The following PRKCE variants were observed in gnomAD, a reference collection of about 807,000 sequenced individuals.
PRKCE encodes protein kinase C epsilon, also known as protein kinase C epsilon type.
In PRKCE, 16 loss-of-function variants were observed where a neutral mutation model predicts 85.4. The ratio of observed to expected loss-of-function variants is 0.19; its 90% confidence interval spans 0.13 to 0.28. The LOEUF (loss-of-function observed/expected upper bound fraction) is 0.28. PRKCE is among the 10% of genes least tolerant of loss of function. The pLI is 1.00. For synonymous variants in PRKCE, 388 were observed against 371.5 expected, an observed-to-expected ratio of 1.04 and a Z score of -0.51; for missense variants, 573 against 975.2, an observed-to-expected ratio of 0.59 and a Z score of 5.49.
At chr2:45,760,802 A>G (rs1346738863) in intron 1 of PRKCE, among the ~76,000 whole-genome samples, 3 of 152,300 alleles carry the variant, frequency 2.0e-5, no homozygotes, top group African/African-American at 4.8e-5. Flanking sequence ...CCCACTTTCC[A>G]TCATATAATT....
At chr2:45,916,869 T>G (rs1558830192) in intron 2 of PRKCE, among the ~76,000 whole-genome samples, 1 of 152,156 alleles carries the variant, frequency 6.6e-6, no homozygotes, top group African/African-American at 2.4e-5. Context: ...CTTCTGATGT[T>G]TGGATGTGTT....
At chr2:45,979,762 A>G (rs755796181) in intron 4 of PRKCE, among the ~76,000 whole-genome samples, 1 of 152,210 alleles carries the variant, frequency 6.6e-6, no homozygotes. Flanking sequence ...ACATTGCTCC[A>G]TGACACTAAC....
At chr2:46,098,315 A>G (rs752303683) in intron 11 of PRKCE, among the ~76,000 whole-genome samples, 24 of 151,394 alleles carry the variant, frequency 1.6e-4, no homozygotes, top group South Asian at 2.1e-4. Context: ...AAATGGGGTT[A>G]TTACTCCCCC....
intron 1 of PRKCE, among the ~76,000 whole-genome samples, chr2:45,715,586 C>A (rs1446467993): frequency 1.3e-5 from 2 of 152,152 alleles, no homozygotes; most frequent in African/African-American, 4.8e-5. Context: ...GACTTGGCTT[C>A]TTCTGAAATT....
Position 45,665,099 on chromosome 2 carries a change from A to G in PRKCE, c.348+12651A>G, listed in dbSNP as rs141251146. The stretch of plus-strand genomic sequence containing the variant: ...TGAAAAGATTACTGTACTCTCAGTG[A>G]GGAAATATGCATTTACTTGTAATTG... On this transcript the variant is annotated intron_variant, in intron 1 of 14. Coordinates refer to ENST00000306156, the MANE Select transcript of PRKCE (RefSeq NM_005400.3). 2.0e-5 allele frequency among the ~76,000 whole-genome samples: 3 copies of G among 152,400 alleles called. No individual in the cohort carries two copies. The East Asian group carries it at 5.8e-4, about 29-fold the overall frequency.
At chr2:45,915,647 C>T (rs753258404) in intron 2 of PRKCE, among the ~76,000 whole-genome samples, 6 of 152,282 alleles carry the variant, frequency 3.9e-5, no homozygotes, top group South Asian at 2.1e-4. Flanking sequence ...CTATCAAATT[C>T]GTATGATCTT....
intron 14 of PRKCE, among the ~76,000 whole-genome samples, chr2:46,165,969 A>C (rs1678297946): frequency 6.6e-6 from 1 of 152,178 alleles, no homozygotes; most frequent in South Asian, 2.1e-4. Flanking sequence ...TCCCTCTTTA[A>C]GGTAAGGCCT....
At chr2:45,657,614 A>G (rs545029431) in intron 1 of PRKCE, among the ~76,000 whole-genome samples, 1 of 152,180 alleles carries the variant, frequency 6.6e-6, no homozygotes, top group Admixed American at 6.5e-5. Flanking sequence ...CTAGGTTTTC[A>G]TATTCTCCAA....
chr2:45,805,984 G>T (rs781774712), intron 1 of PRKCE, among the ~76,000 whole-genome samples: 1 of 152,156 alleles, frequency 6.6e-6, no homozygotes, highest in Non-Finnish European at 1.5e-5. Flanking sequence ...CTTGCCCAAG[G>T]TCTCACAGCC....
intron 2 of PRKCE, among the ~76,000 whole-genome samples, chr2:45,968,213 G>A (rs1295749053): frequency 6.6e-6 from 1 of 150,998 alleles, no homozygotes; most frequent in African/African-American, 2.4e-5. Flanking sequence ...ATCAATCTAA[G>A]TGCTCATCAG....
intron 1 of PRKCE, among the ~76,000 whole-genome samples, chr2:45,674,354 A>T (rs1308439853): frequency 6.6e-6 from 1 of 152,156 alleles, no homozygotes; most frequent in Non-Finnish European, 1.5e-5. Context: ...CTTTATCTGG[A>T]GGGTGACATG....
intron 10 of PRKCE, among the ~76,000 whole-genome samples, chr2:46,085,757 T>G (rs1181685870): frequency 5.9e-5 from 2 of 33,976 alleles, no homozygotes; most frequent in Middle Eastern, 0.01. Flanking sequence ...TTGTTTTTGT[T>G]TTTTTTTTTT....
chr2:46,077,490 G>A (rs550875562), intron 10 of PRKCE, among the ~76,000 whole-genome samples: 2 of 152,346 alleles, frequency 1.3e-5, no homozygotes, highest in Admixed American at 1.3e-4. Flanking sequence ...TACAACTGGT[G>A]TGGATGGAAT....
At chr2:46,135,358 A>G (rs2104430786) in intron 11 of PRKCE, among the ~76,000 whole-genome samples, 1 of 152,324 alleles carries the variant, frequency 6.6e-6, no homozygotes, top group Middle Eastern at 3.4e-3. Flanking sequence ...AGTGATTCAG[A>G]GCATGGAAGT....
chr2:46,105,750 C>G (rs182484828), intron 11 of PRKCE, among the ~76,000 whole-genome samples: 1 of 152,236 alleles, frequency 6.6e-6, no homozygotes, highest in East Asian at 1.9e-4. Flanking sequence ...GCCTTTTAAG[C>G]AGATACTCAC....
At position 45,729,529 on chromosome 2, in the gene PRKCE, A is replaced by G. The variant is rs566303154; in HGVS notation, c.348+77081A>G. Among the ~76,000 whole-genome samples, 48 of 152,202 alleles carry G rather than the reference A, an allele frequency of 3.2e-4. 1 individual carries two copies. Among genetic ancestry groups the G allele is most frequent in the South Asian group, 6.2e-4 (3 of 4,814 alleles). On this transcript the variant is annotated intron_variant, in intron 1 of 14. Transcript: ENST00000306156. Reference sequence around the variant, plus strand: ...GATTCCTTTTCCCCCTCCTACAGCAATAGCCTGAAGGATATTTTTAGGCCC... The same window carrying G: ...GATTCCTTTTCCCCCTCCTACAGCAGTAGCCTGAAGGATATTTTTAGGCCC...
intron 14 of PRKCE, among the ~76,000 whole-genome samples, chr2:46,167,199 AGG>A (rs1678422468): frequency 6.6e-6 from 1 of 152,124 alleles, no homozygotes; most frequent in African/African-American, 2.4e-5. Flanking sequence ...AGATGCAACC[AGG>A]TTCTAATTTG....
intron 14 of PRKCE, among the ~76,000 whole-genome samples, chr2:46,165,550 G>A (rs1435904639): frequency 6.6e-6 from 1 of 152,180 alleles, no homozygotes; most frequent in Admixed American, 6.5e-5. Flanking sequence ...ATCCCATTGG[G>A]GATTTCATCC....
intron 2 of PRKCE, among the ~76,000 whole-genome samples, chr2:45,844,275 G>T (rs1349414598): frequency 6.6e-6 from 1 of 152,124 alleles, no homozygotes; most frequent in Non-Finnish European, 1.5e-5. Flanking sequence ...TTTGGCATAG[G>T]TTTAAAACTT....
Sources: gnomAD v4.1 joint callset for allele counts (sites outside exome capture counted in the v4.1 genomes callset) on GRCh38, gnomAD v4.1.1 for gene constraint, MANE v1.5 for transcripts, NCBI Gene and HGNC (gene_info 2026-07-23, HGNC 2026-07-21) for gene names.